The following PRDM2 variants were observed in gnomAD, a reference collection of about 807,000 sequenced individuals.
PRDM2 encodes PR domain zinc finger protein 2.
A neutral mutation model predicts 130.0 loss-of-function variants in PRDM2; 30 were observed. The observed-to-expected ratio is 0.23, with a 90% CI of 0.17 to 0.31. PRDM2 has a LOEUF of 0.31. Among genes scored for constraint, PRDM2 ranks in the 10% least tolerant of loss-of-function variants. The pLI is 1.00. For synonymous variants in PRDM2, 871 were observed against 782.4 expected (o/e 1.11, Z -1.89); for missense variants, 2,011 against 2,108.4 (o/e 0.95, Z 0.90).
intron 2 of PRDM2, chr1:13,722,871 A>G (rs1642778235): frequency 1.9e-6 from 1 of 515,370 alleles, no homozygotes; most frequent in Admixed American, 2.0e-5. Flanking sequence ...TAGACTGCTT[A>G]TTCAAGAAGA....
chr1:13,788,687 C>T (rs1047771110), intron 8 of PRDM2, among the ~76,000 whole-genome samples: 8 of 152,044 alleles, frequency 5.3e-5, no homozygotes, highest in South Asian at 2.1e-4. Flanking sequence ...AACTGGTCTT[C>T]GATATTAGTA....
intron 2 of PRDM2, among the ~76,000 whole-genome samples, chr1:13,730,021 T>A (rs1028548908): frequency 6.6e-6 from 1 of 152,232 alleles, no homozygotes; most frequent in African/African-American, 2.4e-5. Context: ...GAAAAATTAA[T>A]CTTTTTTGTT....
chr1:13,711,495 G>GCCAGTGT (rs369224492), intron 1 of PRDM2, among the ~76,000 whole-genome samples: 44 of 152,334 alleles, frequency 2.9e-4, no homozygotes, highest in Middle Eastern at 3.4e-3. Context: ...TGGAGGCACT[G>GCCAGTGT]CCAGTGTTGA....
At chr1:13,757,068 C>G (rs778996105) in intron 6 of PRDM2, among the ~76,000 whole-genome samples, 12 of 152,340 alleles carry the variant, frequency 7.9e-5, no homozygotes, top group African/African-American at 2.9e-4. Flanking sequence ...ATTTTCACTG[C>G]TCACTGTAAG....
intron 8 of PRDM2, among the ~76,000 whole-genome samples, chr1:13,810,349 A>G (rs1031793996): frequency 2.6e-5 from 4 of 152,134 alleles, no homozygotes; most frequent in Admixed American, 6.5e-5. Context: ...ATTTGCCTCA[A>G]TCTAACAGCT....
At position 13,773,082 on chromosome 1, in the gene PRDM2, GA is replaced by G; in HGVS notation, c.522del (p.Lys174AsnfsTer17). The G allele has an allele frequency of 6.6e-7, 1 of 1,510,652 alleles. No individual in the cohort carries two copies. The highest frequency in any genetic ancestry group is 2.4e-5 in the Admixed American group (1 of 41,342). The allele number at this position is 1,510,652 out of a possible 1,614,324, so 93.6% of individuals were successfully genotyped here. A position where few individuals can be genotyped will look rare whatever the true frequency, so the allele number is the denominator to read the frequency against. Reference protein sequence around the residue: ...RSSPKSRKGKKKSQENKNKGN... With the variant: ...RSSPKSRKGKXKSQENKNKGN... The stretch of plus-strand genomic sequence containing the variant: ...TTAAAAAAAATTGTGTTTCAGGGAA[GA>G]AAAAATCCCAGGAAAATAAAAACAA... On this transcript the variant is annotated frameshift_variant, in exon 7 of 10. Coordinates refer to ENST00000311066, the MANE Select transcript of PRDM2 (RefSeq NM_001393986.1). LOFTEE classifies it high-confidence loss of function.
chr1:13,818,829 C>T (rs778334790), intron 9 of PRDM2, among the ~76,000 whole-genome samples: 15 of 152,064 alleles, frequency 9.9e-5, no homozygotes, highest in Admixed American at 3.3e-4. Context: ...TCTCTGGGGC[C>T]GGCTGCTCCC....
chr1:13,780,214 A>C lies in PRDM2; in HGVS notation c.2419A>C (p.Lys807Gln). Reference protein sequence around the residue: ...PPCFDEYKMSKEWTASSAFSS... With the variant: ...PPCFDEYKMSQEWTASSAFSS... ...ATGCTTTGATGAATATAAAATGTCT[A>C]AAGAGTGGACAGCTAGTTCTGCTTT... Residue 807 changes from lysine (K) to glutamine (Q), a missense_variant, in exon 8 of 10, where the codon AAA becomes CAA. Physicochemically the swap from Lys to Gln is moderately conservative, Grantham distance 53. This residue lies in a region of PRDM2 where 1,288 missense variants were observed against 1,237.7 expected (regional missense o/e 1.04). Transcript: ENST00000311066. 6.2e-7 allele frequency: 1 copy of C among 1,606,710 alleles called. No individual in the cohort carries two copies. The highest frequency in any genetic ancestry group is 8.5e-7 in the Non-Finnish European group (1 of 1,175,924).
At chr1:13,815,411 C>T (rs569254495) in intron 8 of PRDM2, among the ~76,000 whole-genome samples, 3 of 152,274 alleles carry the variant, frequency 2.0e-5, no homozygotes, top group Non-Finnish European at 4.4e-5. Flanking sequence ...CGCACCTGGC[C>T]GGATGTTTAT....
intron 8 of PRDM2, among the ~76,000 whole-genome samples, chr1:13,794,864 C>T (rs1451373510): frequency 6.6e-6 from 1 of 152,242 alleles, no homozygotes; most frequent in Non-Finnish European, 1.5e-5. Flanking sequence ...AGAGAAAGCT[C>T]TCAAGTGGCC....
intron 8 of PRDM2, among the ~76,000 whole-genome samples, chr1:13,799,002 G>T (rs935833157): frequency 1.3e-5 from 2 of 152,156 alleles, no homozygotes; most frequent in Admixed American, 6.5e-5. Flanking sequence ...CTTCACCGTG[G>T]TGAGTCAGAG....
chr1:13,800,352 A>G lies in PRDM2; in HGVS notation c.5037-16075A>G, dbSNP rs61775130. On this transcript the variant is annotated intron_variant, in intron 8 of 9. Transcript: ENST00000311066. ...TGAAAGAAGATGGGGCCTGGCACCC[A>G]TGGGAGGAGTGGGGCTCAGGAGGGG... Among the ~76,000 whole-genome samples, 50 of 152,244 alleles carry G rather than the reference A, an allele frequency of 3.3e-4. 1 individual carries two copies. Among genetic ancestry groups the G allele is most frequent in the Non-Finnish European group, 6.0e-4 (41 of 68,036 alleles).
chr1:13,787,319 C>T (rs1201528851), intron 8 of PRDM2: 2 of 984,810 alleles, frequency 2.0e-6, no homozygotes, highest in African/African-American at 3.5e-5. Flanking sequence ...ATTTGCATAC[C>T]AGGTTTTACA....
intron 8 of PRDM2, among the ~76,000 whole-genome samples, chr1:13,795,009 G>T (rs1221956354): frequency 3.9e-5 from 6 of 152,320 alleles, no homozygotes; most frequent in Non-Finnish European, 8.8e-5. Context: ...CTAAAGAGAA[G>T]TGAGCTGTAA....
At position 13,779,247 on chromosome 1, in the gene PRDM2, G is replaced by T; in HGVS notation, c.1452G>T (p.Pro484=). The change falls in exon 8 of 10, where the codon CCG becomes CCT. Residue 484 remains proline, a synonymous_variant. Coordinates refer to ENST00000311066, the MANE Select transcript of PRDM2 (RefSeq NM_001393986.1). The surrounding 1 kb of genome is among the most constrained non-coding windows in gnomAD (Gnocchi z 4.9). The part of the protein sequence containing the change: ...EENGEVKELH[P]CKYCKKVFGT... Reference sequence around the variant, plus strand: ...ATGGGGAAGTTAAAGAACTTCATCCGTGCAAATATTGTAAAAAGGTTTTTG... The same window carrying T: ...ATGGGGAAGTTAAAGAACTTCATCCTTGCAAATATTGTAAAAAGGTTTTTG... The T allele has an allele frequency of 6.2e-7, 1 of 1,614,104 alleles. No individual in the cohort carries two copies. The highest frequency in any genetic ancestry group is 8.5e-7 in the Non-Finnish European group (1 of 1,180,004).
chr1:13,787,947 T>C (rs1644774710), intron 8 of PRDM2: 1 of 985,442 alleles, frequency 1.0e-6, no homozygotes, highest in Non-Finnish European at 1.2e-6. Flanking sequence ...CCTCCCAGCA[T>C]TGAAATCATT....
At chr1:13,751,072 T>C (rs1643820938) in intron 6 of PRDM2, among the ~76,000 whole-genome samples, 1 of 152,222 alleles carries the variant, frequency 6.6e-6, no homozygotes, top group Non-Finnish European at 1.5e-5. Flanking sequence ...TGGCATACTT[T>C]AGTGTGCATG....
intron 6 of PRDM2, among the ~76,000 whole-genome samples, chr1:13,758,296 T>C (rs955140745): frequency 1.3e-5 from 2 of 151,602 alleles, no homozygotes; most frequent in African/African-American, 4.8e-5. Context: ...ATACAAAAAT[T>C]AGCTGGGCGT....
intron 6 of PRDM2, chr1:13,768,990 A>G (rs758578006): frequency 3.1e-6 from 1 of 321,024 alleles, no homozygotes; most frequent in Non-Finnish European, 4.5e-6. Context: ...CTTCTGTTGT[A>G]TTCAATTTCT....
Sources: gnomAD v4.1 joint callset for allele counts (sites outside exome capture counted in the v4.1 genomes callset) on GRCh38, gnomAD v4.1.1 for gene constraint, gnomAD v4.1.1 regional missense constraint, Gnocchi (gnomAD v3.1) non-coding constraint, MANE v1.5 for transcripts, NCBI Gene and HGNC (gene_info 2026-07-23, HGNC 2026-07-21) for gene names.